The following APLF variants were observed in gnomAD, a reference collection of about 807,000 sequenced individuals.
APLF encodes aprataxin and PNK-like factor.
In APLF, 61 loss-of-function variants were observed where a neutral mutation model predicts 55.6. That is an observed-to-expected ratio of 1.10 (90% confidence interval 0.89 to 1.36). The LOEUF is 1.36. Ranked by LOEUF, APLF falls within the 40% of genes most tolerant of loss-of-function variation. APLF has a pLI of 0.00. For missense variants in APLF, 611 were observed against 602.5 expected, an observed-to-expected ratio of 1.01 and a Z score of -0.15; for synonymous variants, 207 against 214.8, an observed-to-expected ratio of 0.96 and a Z score of 0.32.
intron 2 of APLF, among the ~76,000 whole-genome samples, chr2:68,498,986 A>G (rs1676639581): frequency 6.6e-6 from 1 of 152,056 alleles, no homozygotes; most frequent in African/African-American, 2.4e-5. Flanking sequence ...AAATCCTATA[A>G]TAATAGCCTT....
chr2:68,489,085 T>C (rs1676276381), intron 1 of APLF, among the ~76,000 whole-genome samples: 1 of 152,252 alleles, frequency 6.6e-6, no homozygotes, highest in Non-Finnish European at 1.5e-5. Context: ...ATAGCCATTG[T>C]GGCTAACAAT....
intron 9 of APLF, chr2:68,568,289 T>C: frequency 9.1e-6 from 9 of 985,386 alleles, no homozygotes; most frequent in Non-Finnish European, 1.1e-5. Context: ...ATAAAATGCA[T>C]ACTATCCAGG....
chr2:68,526,019 G>A (rs1158622150), intron 5 of APLF, 42 bp from the exon 6 acceptor site: 2 of 1,530,126 alleles, frequency 1.3e-6, no homozygotes, highest in South Asian at 2.5e-5. Context: ...GACATTTGAA[G>A]ATACAGAAGA....
chr2:68,545,762 C>T (rs1184530355), intron 8 of APLF, among the ~76,000 whole-genome samples: 3 of 152,142 alleles, frequency 2.0e-5, no homozygotes, highest in Non-Finnish European at 4.4e-5. Flanking sequence ...GTTTTCATGG[C>T]ATCTTGTCCT....
intron 9 of APLF, among the ~76,000 whole-genome samples, chr2:68,569,794 T>C (rs1410314441): frequency 6.6e-6 from 1 of 152,078 alleles, no homozygotes; most frequent in East Asian, 1.9e-4. Context: ...AACTAATCAG[T>C]TGGCTGTGAT....
chr2:68,489,749 A>T (rs562294832), intron 1 of APLF, among the ~76,000 whole-genome samples: 1 of 152,136 alleles, frequency 6.6e-6, no homozygotes, highest in African/African-American at 2.4e-5. Flanking sequence ...ACCCTTTTAC[A>T]CTTACCAGAT....
At chr2:68,572,615 C>T (rs927400803) in intron 9 of APLF, among the ~76,000 whole-genome samples, 7 of 152,156 alleles carry the variant, frequency 4.6e-5, no homozygotes, top group African/African-American at 7.2e-5. Flanking sequence ...GCAGGAGGAT[C>T]GCTTGAGCCC....
intron 6 of APLF, among the ~76,000 whole-genome samples, chr2:68,530,068 C>G (rs1466938401): frequency 6.6e-6 from 1 of 152,212 alleles, no homozygotes; most frequent in Non-Finnish European, 1.5e-5. Context: ...GCACCTCTTA[C>G]CACATGCCTC....
intron 8 of APLF, among the ~76,000 whole-genome samples, chr2:68,565,320 C>T (rs527249455): frequency 2.2e-4 from 33 of 151,890 alleles, no homozygotes; most frequent in Non-Finnish European, 4.0e-4. Context: ...AGGATGGGCT[C>T]AATGACCCCA....
chr2:68,485,201 T>TA (rs1318227567), intron 1 of APLF, among the ~76,000 whole-genome samples: 6 of 152,072 alleles, frequency 3.9e-5, no homozygotes, highest in South Asian at 4.1e-4. Context: ...TGCATTTTTT[T>TA]AAAAAAAATC....
chr2:68,518,953 TTAA>T (rs1438243931), intron 5 of APLF, among the ~76,000 whole-genome samples: 1 of 123,480 alleles, frequency 8.1e-6, no homozygotes. Context: ...TATAATATTA[TTAA>T]TAATACATAA....
intron 5 of APLF, chr2:68,515,725 CT>C: frequency 4.1e-6 from 4 of 983,480 alleles, no homozygotes; most frequent in Non-Finnish European, 4.8e-6. Flanking sequence ...ATAGAAGAGT[CT>C]TTGGATTCAG....
chr2:68,498,512 C>A (rs896818564), intron 2 of APLF, among the ~76,000 whole-genome samples: 2 of 152,144 alleles, frequency 1.3e-5, no homozygotes, highest in African/African-American at 2.4e-5. Context: ...TGCCTTTTTT[C>A]CCTCTAATAT....
intron 5 of APLF, among the ~76,000 whole-genome samples, chr2:68,516,255 C>T (rs1284919699): frequency 6.6e-6 from 1 of 151,576 alleles, no homozygotes; most frequent in Non-Finnish European, 1.5e-5. Context: ...GTATAGCTGC[C>T]TAAATTTACT....
intron 6 of APLF, among the ~76,000 whole-genome samples, chr2:68,526,877 G>A (rs1446417786): frequency 6.6e-6 from 1 of 152,126 alleles, no homozygotes; most frequent in Non-Finnish European, 1.5e-5. Flanking sequence ...CAGTAGAGAC[G>A]GAGTTTCACC....
chr2:68,491,585 C>A (rs1676362667), intron 2 of APLF, among the ~76,000 whole-genome samples: 1 of 152,094 alleles, frequency 6.6e-6, no homozygotes, highest in Non-Finnish European at 1.5e-5. Context: ...TACTAAAGCA[C>A]ATTAAAGGAA....
chr2:68,509,457 A>G (rs191570304), intron 3 of APLF, among the ~76,000 whole-genome samples: 36 of 152,322 alleles, frequency 2.4e-4, no homozygotes, highest in East Asian at 1.5e-3. Context: ...GCCAACAGAC[A>G]CATGAAAAAA....
At chr2:68,539,430 A>C (rs1670488233) in intron 7 of APLF, among the ~76,000 whole-genome samples, 1 of 152,190 alleles carries the variant, frequency 6.6e-6, no homozygotes, top group South Asian at 2.1e-4. Context: ...GTCTTCACAT[A>C]GCCTGTTCTC....
At chr2:68,576,784 T>C (rs1432153169) in intron 9 of APLF, among the ~76,000 whole-genome samples, 1 of 152,198 alleles carries the variant, frequency 6.6e-6, no homozygotes, top group Non-Finnish European at 1.5e-5. Context: ...ATGTGAACAT[T>C]TTAGAAAGAT....
Sources: allele counts gnomAD v4.1 joint callset (sites outside exome capture counted in the v4.1 genomes callset), GRCh38; gene constraint gnomAD v4.1.1; transcripts MANE v1.5; gene names NCBI Gene and HGNC (gene_info 2026-07-23, HGNC 2026-07-21).